Variants in KIF13B observed in about 807,000 individuals in gnomAD.
KIF13B encodes kinesin-like protein KIF13B.
A neutral mutation model predicts 222.0 loss-of-function variants in KIF13B; 127 were observed. That is an observed-to-expected ratio of 0.57 (90% CI 0.50 to 0.66). The LOEUF is 0.66. Among genes scored for constraint, KIF13B ranks in the 30% least tolerant of loss-of-function variants. KIF13B has a pLI of 0.00. For synonymous variants in KIF13B, 976 were observed against 919.0 expected, an observed-to-expected ratio of 1.06 and a Z score of -1.12; for missense variants, 2,173 against 2,379.0, an observed-to-expected ratio of 0.91 and a Z score of 1.80.
chr8:29,247,735 G>T (rs1163800094), intron 1 of KIF13B, among the ~76,000 whole-genome samples: 1 of 148,896 alleles, frequency 6.7e-6, no homozygotes, highest in Admixed American at 6.7e-5. Flanking sequence ...TCAGAAGGTT[G>T]AGATAGGAGG....
At chr8:29,235,940 G>T (rs117143799) in intron 2 of KIF13B, among the ~76,000 whole-genome samples, 2,881 of 152,206 alleles carry the variant, frequency 0.019, 39 homozygotes, top group Middle Eastern at 0.051. Flanking sequence ...AATAAACAAG[G>T]TTTGGTGTTT....
chr8:29,102,016 A>G (rs994953654), intron 35 of KIF13B, among the ~76,000 whole-genome samples: 16 of 151,756 alleles, frequency 1.1e-4, no homozygotes, highest in African/African-American at 3.9e-4. Flanking sequence ...CGCAATGACT[A>G]TCTTCCCAAT....
chr8:29,108,385 C>A (rs970332008), intron 34 of KIF13B, among the ~76,000 whole-genome samples, 193 bp from the exon 35 acceptor site: 4 of 152,218 alleles, frequency 2.6e-5, no homozygotes, highest in Non-Finnish European at 5.9e-5. Flanking sequence ...GAACAATTTT[C>A]AGATGAGAGA....
At chr8:29,112,672 G>T (rs920512766) in intron 32 of KIF13B, among the ~76,000 whole-genome samples, 3 of 152,068 alleles carry the variant, frequency 2.0e-5, no homozygotes, top group Admixed American at 2.0e-4. Flanking sequence ...GTGAGGGTGG[G>T]AGAAGGAATT....
chr8:29,079,256 C>T (rs1198265537), intron 37 of KIF13B, among the ~76,000 whole-genome samples: 1 of 152,144 alleles, frequency 6.6e-6, no homozygotes, highest in Non-Finnish European at 1.5e-5. Flanking sequence ...TAGTGAATAC[C>T]GATTCATTTC....
intron 4 of KIF13B, 110 bp from the exon 5 acceptor site, chr8:29,188,717 C>A: frequency 1.5e-6 from 1 of 672,294 alleles, no homozygotes; most frequent in Non-Finnish European, 2.5e-6. Flanking sequence ...TATTTATCTC[C>A]AAACAAGATT....
intron 29 of KIF13B, among the ~76,000 whole-genome samples, chr8:29,122,029 C>T (rs554612261): frequency 5.3e-5 from 8 of 151,980 alleles, no homozygotes; most frequent in African/African-American, 9.7e-5. Flanking sequence ...CCAAGGAGGG[C>T]GGATCACGAG....
intron 1 of KIF13B, among the ~76,000 whole-genome samples, chr8:29,258,595 C>A (rs1816570327): frequency 6.6e-6 from 1 of 152,192 alleles, no homozygotes; most frequent in African/African-American, 2.4e-5. Context: ...GCAGGCAGAT[C>A]TCATCTCTGC....
At chr8:29,192,350 C>G (rs544419603) in intron 3 of KIF13B, among the ~76,000 whole-genome samples, 1 of 152,294 alleles carries the variant, frequency 6.6e-6, no homozygotes, top group African/African-American at 2.4e-5. Context: ...ATTCCAAAGC[C>G]CTGGAAATAT....
At chr8:29,137,413 G>A (rs535050705) in intron 21 of KIF13B, among the ~76,000 whole-genome samples, 6 of 152,238 alleles carry the variant, frequency 3.9e-5, no homozygotes, top group Non-Finnish European at 8.8e-5. Context: ...ACTTGCAGCT[G>A]TTCAAGACAG....
intron 14 of KIF13B, among the ~76,000 whole-genome samples, chr8:29,153,404 T>C (rs1414891767): frequency 6.6e-6 from 1 of 152,150 alleles, no homozygotes. Context: ...CCTATCAATA[T>C]AAGGAAAATT....
chr8:29,188,913 C>A (rs1191165045), intron 4 of KIF13B, among the ~76,000 whole-genome samples: 1 of 152,160 alleles, frequency 6.6e-6, no homozygotes, highest in Non-Finnish European at 1.5e-5. Flanking sequence ...GAAATTTATA[C>A]TTGGGACCCA....
At chr8:29,224,664 C>G (rs921565714) in intron 2 of KIF13B, among the ~76,000 whole-genome samples, 3 of 149,660 alleles carry the variant, frequency 2.0e-5, no homozygotes, top group Non-Finnish European at 4.4e-5. Flanking sequence ...TTTATAGAAC[C>G]CCCCCCCATT....
intron 1 of KIF13B, among the ~76,000 whole-genome samples, chr8:29,260,400 C>T (rs1816636273): frequency 6.6e-6 from 1 of 152,202 alleles, no homozygotes; most frequent in Admixed American, 6.5e-5. Flanking sequence ...TCATCCCCGT[C>T]CTCTTTTATA....
intron 36 of KIF13B, among the ~76,000 whole-genome samples, chr8:29,093,568 T>C (rs908844111): frequency 6.6e-6 from 1 of 152,148 alleles, no homozygotes; most frequent in Non-Finnish European, 1.5e-5. Context: ...CATTTAGAAA[T>C]GAACAAGCAA....
chr8:29,244,644 T>A (rs920094300), intron 2 of KIF13B, among the ~76,000 whole-genome samples: 3 of 152,224 alleles, frequency 2.0e-5, no homozygotes, highest in African/African-American at 7.2e-5. Context: ...CTCATCTGCT[T>A]TCCAGGTCTT....
At chr8:29,230,454 C>T (rs1190850142) in intron 2 of KIF13B, among the ~76,000 whole-genome samples, 3 of 152,166 alleles carry the variant, frequency 2.0e-5, no homozygotes, top group Admixed American at 6.5e-5. Flanking sequence ...GGCAAAGGGA[C>T]CAGACAGGCC....
chr8:29,076,575 AG>A (rs1399708041), intron 37 of KIF13B, among the ~76,000 whole-genome samples: 2 of 152,202 alleles, frequency 1.3e-5, no homozygotes, highest in Admixed American at 1.3e-4. Flanking sequence ...CTCCAGCTGT[AG>A]GGAGAAGAGT....
At chr8:29,106,942 G>T (rs980390784) in intron 35 of KIF13B, among the ~76,000 whole-genome samples, 4 of 152,132 alleles carry the variant, frequency 2.6e-5, no homozygotes, top group African/African-American at 9.7e-5. Context: ...GCACACAGAT[G>T]GCAGTACCAA....
Sources: allele counts gnomAD v4.1 joint callset (sites outside exome capture counted in the v4.1 genomes callset), GRCh38; gene constraint gnomAD v4.1.1; transcripts MANE v1.5; gene names NCBI Gene and HGNC (gene_info 2026-07-23, HGNC 2026-07-21).